SENP5: variants seen among roughly 807,000 people sequenced by gnomAD.
SENP5 encodes the protein SUMO specific peptidase 5, also known as sentrin-specific protease 5.
Under a neutral mutation model 74.2 loss-of-function variants are expected in SENP5, and 21 were observed. The ratio of observed to expected loss-of-function variants is 0.28; its 90% CI spans 0.20 to 0.41. The LOEUF (loss-of-function observed/expected upper bound fraction) is 0.41, where lower values mean the gene tolerates loss of function less well. Among genes scored for constraint, SENP5 ranks in the 10% least tolerant of loss-of-function variants. SENP5 has a pLI of 1.00. For synonymous variants in SENP5, 311 were observed against 312.7 expected, an observed-to-expected ratio of 0.99 and a Z score of 0.06; for missense variants, 717 against 889.1, an observed-to-expected ratio of 0.81 and a Z score of 2.46.
chr3:196,919,793 C>CA (rs577670068), intron 6 of SENP5, among the ~76,000 whole-genome samples: 2,357 of 134,962 alleles, frequency 0.017, 47 homozygotes, highest in African/African-American at 0.055. Context: ...AACTTCATCT[C>CA]AAAAAAAAAA....
rs567456643 is a variant in SENP5 at position 196,868,902 on chromosome 3, C to T, written c.-32+829C>T. ...CTTATGTTTTTTTTTTGCATTTTGC[C>T]CGGAATAACTAAGCTTGGTATGGAA... On this transcript the variant is annotated intron_variant, in intron 1 of 9. Coordinates refer to ENST00000323460, the MANE Select transcript of SENP5 (RefSeq NM_152699.5). 1.6e-3 allele frequency among the ~76,000 whole-genome samples: 36 copies of T among 22,698 alleles called. No homozygotes were observed. The East Asian group carries it at 0.035, about 22-fold the overall frequency. 14.9% of individuals were successfully genotyped at this position (22,698 alleles called of 152,430 possible).
intron 6 of SENP5, among the ~76,000 whole-genome samples, chr3:196,921,422 T>C (rs1346908321): frequency 1.3e-5 from 2 of 152,210 alleles, no homozygotes; most frequent in African/African-American, 4.8e-5. Flanking sequence ...GCTCTATGTA[T>C]GTCTATGTTA....
At chr3:196,870,045 G>A (rs1713143407) in intron 1 of SENP5, among the ~76,000 whole-genome samples, 1 of 152,154 alleles carries the variant, frequency 6.6e-6, no homozygotes, top group Non-Finnish European at 1.5e-5. Context: ...AGCTCAGTTT[G>A]AGAACGGGGT....
At chr3:196,887,351 T>C (rs1714017599) in intron 2 of SENP5, among the ~76,000 whole-genome samples, 2 of 152,092 alleles carry the variant, frequency 1.3e-5, no homozygotes, top group African/African-American at 4.8e-5. Context: ...GGCTAATTTT[T>C]GTATTTTTAG....
intron 1 of SENP5, among the ~76,000 whole-genome samples, chr3:196,876,533 AAG>A (rs1713478403): frequency 6.6e-6 from 1 of 151,250 alleles, no homozygotes; most frequent in Non-Finnish European, 1.5e-5. Context: ...AAAAAAAAAA[AAG>A]AAAAGAAAAA....
chr3:196,902,601 C>A (rs1441463207), intron 5 of SENP5, among the ~76,000 whole-genome samples: 4 of 152,184 alleles, frequency 2.6e-5, no homozygotes, highest in Non-Finnish European at 4.4e-5. Flanking sequence ...CTAGATGATG[C>A]TGACACTACT....
chr3:196,898,407 G>T (rs553423239), intron 2 of SENP5, among the ~76,000 whole-genome samples: 12 of 151,116 alleles, frequency 7.9e-5, no homozygotes, highest in Non-Finnish European at 1.3e-4. Context: ...ACCAGCCTGA[G>T]CAACATAGCA....
At chr3:196,869,701 G>C (rs923816866) in intron 1 of SENP5, among the ~76,000 whole-genome samples, 15 of 143,640 alleles carry the variant, frequency 1.0e-4, no homozygotes, top group Non-Finnish European at 1.5e-4. Context: ...CGAGGTTGTG[G>C]TGAGCTGAGA....
intron 8 of SENP5, among the ~76,000 whole-genome samples, chr3:196,928,433 G>C (rs992510746): frequency 1.3e-5 from 2 of 152,222 alleles, no homozygotes; most frequent in African/African-American, 4.8e-5. Flanking sequence ...ATGGTGGGCT[G>C]TGTTGTTTCC....
chr3:196,903,646 A>C, intron 6 of SENP5, 36 bp downstream of exon 6: 1 of 1,359,768 alleles, frequency 7.4e-7, no homozygotes, highest in Non-Finnish European at 1.0e-6. Context: ...CCAAATTTGA[A>C]ACGCAGATGA....
intron 1 of SENP5, among the ~76,000 whole-genome samples, chr3:196,876,082 G>C (rs1010348157): frequency 7.2e-5 from 11 of 152,162 alleles, no homozygotes; most frequent in Non-Finnish European, 1.3e-4. Flanking sequence ...TTCATATTAA[G>C]AAGTTTGTTT....
At chr3:196,875,435 A>T (rs770264026) in intron 1 of SENP5, among the ~76,000 whole-genome samples, 1 of 152,096 alleles carries the variant, frequency 6.6e-6, no homozygotes, top group Non-Finnish European at 1.5e-5. Context: ...AAGAATATGA[A>T]TCAGATCTTT....
intron 2 of SENP5, among the ~76,000 whole-genome samples, chr3:196,895,085 C>T (rs13067739): frequency 0.2 from 30,631 of 152,022 alleles, 3,641 homozygotes; most frequent in Non-Finnish European, 0.24. Context: ...GTGCACAGCA[C>T]GGGGAACCTC....
chr3:196,927,972 A>C lies in SENP5; in HGVS notation c.2106+93A>C. ...TTAAGAGCATTTGAAGACTAGTGAC[A>C]GAGATACCAAGGAGAGCCTGGAGGC... On this transcript the variant is annotated intron_variant, in intron 8 of 9. Coordinates refer to ENST00000323460, the MANE Select transcript of SENP5 (RefSeq NM_152699.5). The C allele has an allele frequency of 6.9e-6, 5 of 727,230 alleles. No homozygotes were observed. The South Asian group carries it at 8.7e-5, about 13-fold the overall frequency. The allele number at this position is 727,230 out of a possible 1,614,324, so 45.0% of individuals were successfully genotyped here. A position where few individuals can be genotyped will look rare whatever the true frequency, so the allele number is the denominator to read the frequency against.
intron 6 of SENP5, among the ~76,000 whole-genome samples, chr3:196,905,777 C>G (rs899004710): frequency 1.3e-5 from 2 of 152,098 alleles, no homozygotes. Flanking sequence ...ATTGACTAAA[C>G]CAGTGACCAT....
At chr3:196,914,836 T>C (rs1466097561) in intron 6 of SENP5, among the ~76,000 whole-genome samples, 1 of 151,808 alleles carries the variant, frequency 6.6e-6, no homozygotes, top group African/African-American at 2.4e-5. Context: ...GAAAGAGGCA[T>C]CGAAGAGGGT....
At chr3:196,923,316 C>T (rs62411765) in intron 6 of SENP5, 98 bp from the exon 7 acceptor site, 295,153 of 1,385,870 alleles carry the variant, frequency 0.21, 34,997 homozygotes, top group Admixed American at 0.23. Flanking sequence ...CTTTTTTGCC[C>T]TTGTGCAGGT....
chr3:196,873,248 A>G (rs1713296142), intron 1 of SENP5, among the ~76,000 whole-genome samples: 2 of 151,514 alleles, frequency 1.3e-5, no homozygotes, highest in Admixed American at 1.3e-4. Context: ...TAATGTTTGT[A>G]TTTTAGTAGA....
Position 196,886,229 on chromosome 3 carries a change from G to A in SENP5, c.1048G>A (p.Gly350Ser). ...LDEAFPDQQN[G>S]SATNAWDQSS... ...CGAAGCATTCCCTGACCAACAGAAT[G>A]GCAGTGCCACAAACGCCTGGGACCA... Residue 350 changes from glycine to serine, a missense_variant, in exon 2 of 10, where the codon GGC becomes AGC. Gly to Ser is a moderately conservative substitution (Grantham distance 56). Around this residue, in one of 4 missense-constraint regions of SENP5, gnomAD observed 567 missense variants for 577.4 expected, o/e 0.98. Transcript: ENST00000323460. The A allele has an allele frequency of 6.2e-7, 1 of 1,614,172 alleles. No homozygotes were observed. The highest frequency in any genetic ancestry group is 8.5e-7 in the Non-Finnish European group (1 of 1,180,016).
Sources: gnomAD v4.1 joint callset for allele counts (sites outside exome capture counted in the v4.1 genomes callset) on GRCh38, gnomAD v4.1.1 for gene constraint, gnomAD v4.1.1 regional missense constraint, MANE v1.5 for transcripts, NCBI Gene and HGNC (gene_info 2026-07-23, HGNC 2026-07-21) for gene names.